RELN: variants seen among roughly 807,000 people sequenced by gnomAD.
RELN encodes the protein reelin.
A neutral mutation model predicts 427.6 loss-of-function variants in RELN; 108 were observed. That is an observed-to-expected ratio of 0.25 (90% CI 0.22 to 0.30). The LOEUF (loss-of-function observed/expected upper bound fraction) is 0.30, where lower values mean the gene tolerates loss of function less well. Among genes scored for constraint, RELN ranks in the 10% least tolerant of loss-of-function variants. RELN has a pLI of 1.00. For missense variants in RELN, 3,715 were observed against 4,302.8 expected (o/e 0.86, Z 3.82); for synonymous variants, 1,524 against 1,513.4 (o/e 1.01, Z -0.16).
chr7:103,776,776 C>T, intron 3 of RELN, 149 bp from the exon 4 acceptor site: 5 of 846,534 alleles, frequency 5.9e-6, no homozygotes, highest in South Asian at 4.6e-5. Flanking sequence ...ATATAAATAA[C>T]ATGGAATGAA....
chr7:103,673,447 T>C (rs1833439768), intron 11 of RELN, among the ~76,000 whole-genome samples: 1 of 152,156 alleles, frequency 6.6e-6, no homozygotes, highest in Non-Finnish European at 1.5e-5. Context: ...ACTTTTCATG[T>C]TGCAATCTTC....
intron 2 of RELN, among the ~76,000 whole-genome samples, chr7:103,859,467 G>C (rs540897501): frequency 2.0e-4 from 31 of 152,056 alleles, no homozygotes; most frequent in African/African-American, 6.7e-4. Flanking sequence ...CTAATTTTTT[G>C]TATTTTTAGT....
At chr7:103,521,129 A>G (rs796896834) in intron 48 of RELN, among the ~76,000 whole-genome samples, 11 of 150,268 alleles carry the variant, frequency 7.3e-5, no homozygotes, top group African/African-American at 2.7e-4. Context: ...GGCGCCCGCC[A>G]CCGCGCCCGG....
At chr7:103,538,517 G>A (rs1186743557) in intron 45 of RELN, among the ~76,000 whole-genome samples, 1 of 152,082 alleles carries the variant, frequency 6.6e-6, no homozygotes, top group Admixed American at 6.6e-5. Context: ...TCACAATGAG[G>A]GTGGCCTGGA....
chr7:103,757,963 C>G (rs1173662495), intron 4 of RELN, among the ~76,000 whole-genome samples: 4 of 152,086 alleles, frequency 2.6e-5, no homozygotes, highest in South Asian at 2.1e-4. Flanking sequence ...ATAAATCAAA[C>G]TGAATTTCTA....
In RELN at chr7:103,884,940, C is replaced by A. The variant is rs562454182; in HGVS notation, c.337+32135G>T. Among the ~76,000 whole-genome samples the A allele has an allele frequency of 4.1e-4, 62 of 152,228 alleles. No homozygotes were observed. In the South Asian group the frequency reaches 0.012, roughly 31 times the overall value. ...GCAATCCCATCACTCGGTATATACC[C>A]AAAGGATTATAAATCATTCTACTAT... is the stretch of plus-strand genomic sequence containing the variant. On this transcript the variant is annotated intron_variant, in intron 2 of 64. Coordinates refer to ENST00000428762, the MANE Select transcript of RELN (RefSeq NM_005045.4).
rs1473321188 is a variant in RELN at position 103,490,885 on chromosome 7, TAATGTC to T, written c.9444-62_9444-57del. The T allele has an allele frequency of 1.9e-6, 3 of 1,563,106 alleles. No homozygotes were observed. The African/African-American group carries it at 4.1e-5, about 21-fold the overall frequency. On this transcript the variant is annotated intron_variant, in intron 58 of 64. Transcript: ENST00000428762. ...ATTGTAAGAGAAACATATAATCTGT[TAATGTC>T]AAGGTAATGCTTTGTGATCGGGTTA... is the stretch of plus-strand genomic sequence containing the variant.
rs1452490649 is a variant in RELN at position 103,640,853 on chromosome 7, T to C, written c.2003-244A>G. On this transcript the variant is annotated intron_variant, in intron 16 of 64. Coordinates refer to ENST00000428762, the MANE Select transcript of RELN (RefSeq NM_005045.4). The surrounding 1 kb of genome is among the most constrained non-coding windows in gnomAD (Gnocchi z 4.1). Reference sequence around the variant, plus strand: ...TCATATCAAAGAAGATAGGAGCTTATGATTTGAATTCTTAATAGAGTCTAT... The same window carrying C: ...TCATATCAAAGAAGATAGGAGCTTACGATTTGAATTCTTAATAGAGTCTAT... 1.3e-5 allele frequency among the ~76,000 whole-genome samples: 2 copies of C among 152,182 alleles called. No homozygotes were observed. The highest frequency in any genetic ancestry group is 2.4e-5 in the African/African-American group (1 of 41,452).
At chr7:103,887,648 TAA>T (rs1794754372) in intron 2 of RELN, among the ~76,000 whole-genome samples, 1 of 151,974 alleles carries the variant, frequency 6.6e-6, no homozygotes, top group South Asian at 2.1e-4. Flanking sequence ...GTTATATGAG[TAA>T]GAGATTTCTG....
chr7:103,816,755 C>T (rs921687806), intron 3 of RELN, among the ~76,000 whole-genome samples: 4 of 152,144 alleles, frequency 2.6e-5, no homozygotes, highest in Non-Finnish European at 5.9e-5. Flanking sequence ...CTTGAAGATA[C>T]ACCCCATAAT....
intron 11 of RELN, among the ~76,000 whole-genome samples, chr7:103,665,427 G>T (rs1833243267): frequency 6.6e-6 from 1 of 151,312 alleles, no homozygotes; most frequent in African/African-American, 2.4e-5. Context: ...AGCTCCCTCT[G>T]TCCCTCAGCC....
At position 103,717,000 on chromosome 7, in the gene RELN, G is replaced by A. The variant is rs146724332; in HGVS notation, c.805+6140C>T. ...AGTCCCCCCAAAATGTTAATAGCAC[G>A]AATTTATGAATGAATTACTGACATT... On this transcript the variant is annotated intron_variant, in intron 8 of 64. Coordinates refer to ENST00000428762, the MANE Select transcript of RELN (RefSeq NM_005045.4). Among the ~76,000 whole-genome samples, 144 of 152,182 alleles carry A rather than the reference G, an allele frequency of 9.5e-4. 1 individual carries two copies. The highest frequency in any genetic ancestry group is 3.4e-3 in the African/African-American group (141 of 41,536).
chr7:103,519,562 T>C (rs759088048), intron 48 of RELN, 46 bp from the exon 49 acceptor site: 2 of 1,419,026 alleles, frequency 1.4e-6, no homozygotes, highest in East Asian at 2.3e-5. Context: ...GGAATCTCGA[T>C]TGCAGATTAT....
At chr7:103,542,620 TAC>T in intron 43 of RELN, 109 bp downstream of exon 43, 1 of 1,119,672 alleles carries the variant, frequency 8.9e-7, no homozygotes, top group Non-Finnish European at 1.4e-6. Context: ...GTTCAGTATT[TAC>T]AATGGAAGGC....
At chr7:103,745,772 C>T (rs1289406738) in intron 6 of RELN, among the ~76,000 whole-genome samples, 1 of 151,522 alleles carries the variant, frequency 6.6e-6, no homozygotes, top group Non-Finnish European at 1.5e-5. Flanking sequence ...AAAGAGGATA[C>T]AAACAAATGG....
intron 6 of RELN, among the ~76,000 whole-genome samples, chr7:103,733,890 T>C (rs531252088): frequency 3.5e-4 from 53 of 151,996 alleles, no homozygotes; most frequent in Non-Finnish European, 6.8e-4. Context: ...TGTATACGTA[T>C]GTAACTAACC....
intron 48 of RELN, among the ~76,000 whole-genome samples, chr7:103,520,957 ATTTTTTTTTTTTTT>A (rs55830035): frequency 6.3e-5 from 5 of 79,186 alleles, no homozygotes; most frequent in Admixed American, 1.8e-4. Flanking sequence ...TAAATTTGTT[ATTTTTTTTTTTTTT>A]TTTTTTTTTT....
At chr7:103,643,160 A>C (rs1400450046) in intron 16 of RELN, among the ~76,000 whole-genome samples, 5 of 152,128 alleles carry the variant, frequency 3.3e-5, no homozygotes, top group Non-Finnish European at 7.4e-5. Context: ...TGATTAAGAC[A>C]TGGAAAATCA....
chr7:103,631,286 C>CTTT lies in RELN; in HGVS notation c.2466-1113_2466-1111dup, dbSNP rs545808640. Among the ~76,000 whole-genome samples the CTTT allele has an allele frequency of 7.8e-3, 605 of 77,782 alleles. 28 individuals carry two copies. Among genetic ancestry groups the CTTT allele is most frequent in the African/African-American group, 8.5e-3 (170 of 20,020 alleles). The allele number at this position is 77,782 out of a possible 152,430, so 51.0% of individuals were successfully genotyped here. A position where few individuals can be genotyped will look rare whatever the true frequency, so the allele number is the denominator to read the frequency against. On this transcript the variant is annotated intron_variant, in intron 19 of 64. Transcript: ENST00000428762. Reference sequence around the variant, plus strand: ...CAGAAATAAAACTTTAAAAACACTTCTTTTTTTTTTTTTTTTTTTTTTTTT... The same window carrying CTTT: ...CAGAAATAAAACTTTAAAAACACTTCTTTTTTTTTTTTTTTTTTTTTTTTTTTT...
Sources: gnomAD v4.1 joint callset for allele counts (sites outside exome capture counted in the v4.1 genomes callset) on GRCh38, gnomAD v4.1.1 for gene constraint, Gnocchi (gnomAD v3.1) non-coding constraint, MANE v1.5 for transcripts, NCBI Gene and HGNC (gene_info 2026-07-23, HGNC 2026-07-21) for gene names.